TASOR: variants seen among roughly 807,000 people sequenced by gnomAD.
TASOR encodes the protein protein TASOR.
Under a neutral mutation model 178.6 loss-of-function variants are expected in TASOR, and 53 were observed. The ratio of observed to expected loss-of-function variants is 0.30; its 90% CI spans 0.24 to 0.37. The LOEUF (loss-of-function observed/expected upper bound fraction) is 0.37, where lower values mean the gene tolerates loss of function less well. TASOR is among the 10% of genes least tolerant of loss of function. TASOR has a pLI of 1.00. For synonymous variants in TASOR, 713 were observed against 696.2 expected, an observed-to-expected ratio of 1.02 and a Z score of -0.38; for missense variants, 1,815 against 1,971.4, an observed-to-expected ratio of 0.92 and a Z score of 1.50.
chr3:56,641,639 C>T lies in TASOR; in HGVS notation c.2329G>A (p.Glu777Lys), dbSNP rs2077127174. 2 of 1,614,172 alleles carry T rather than the reference C, an allele frequency of 1.2e-6. No individual in the cohort carries two copies. Among genetic ancestry groups the T allele is most frequent in the Non-Finnish European group, 1.7e-6 (2 of 1,180,048 alleles). The stretch of plus-strand genomic sequence containing the variant: ...GAATGGCGCGCATTTGCTAGTGTTT[C>T]TGATAACCAATTAAACAGCCTATGG... Reference protein sequence around the residue: ...DIHRLFNWLSETLANARHSDA... With the variant: ...DIHRLFNWLSKTLANARHSDA... Residue 777 changes from glutamate to lysine, a missense_variant, in exon 15 of 24, where the codon GAA becomes AAA. Transcript: ENST00000683822.
At chr3:56,658,094 A>G (rs1251137781) in intron 11 of TASOR, among the ~76,000 whole-genome samples, 1 of 152,262 alleles carries the variant, frequency 6.6e-6, no homozygotes, top group Non-Finnish European at 1.5e-5. Flanking sequence ...TCCTCAATGC[A>G]CTGCTCATTA....
rs377541960 is a variant in TASOR, at chr3:56,678,967, G to A, written c.331+3709C>T. ...GCAGAGGCTGCAGTCAGCCGGGATC[G>A]CAACACTGCATCCCAGCCTGGGCAA... On this transcript the variant is annotated intron_variant, in intron 1 of 23. Coordinates refer to ENST00000683822, the MANE Select transcript of TASOR (RefSeq NM_001365635.2). Among the ~76,000 whole-genome samples, 2 of 144,702 alleles carry A rather than the reference G, an allele frequency of 1.4e-5. 1 individual carries two copies. The highest frequency in any genetic ancestry group is 5.1e-5 in the African/African-American group (2 of 38,892). 94.9% of individuals were successfully genotyped at this position (144,702 alleles called of 152,430 possible). A position where few individuals can be genotyped will look rare whatever the true frequency, so the allele number is the denominator to read the frequency against.
At chr3:56,670,872 G>A (rs1328793543) in intron 3 of TASOR, among the ~76,000 whole-genome samples, 1 of 139,800 alleles carries the variant, frequency 7.2e-6, no homozygotes, top group Non-Finnish European at 1.5e-5. Context: ...GGGAGAAGGA[G>A]GTTGCAGTGA....
In TASOR at chr3:56,620,609, T is replaced by C. The variant is rs1347809367; in HGVS notation, c.*2428A>G. 1.3e-5 allele frequency: 2 copies of C among 152,222 alleles called. No homozygotes were observed. Among genetic ancestry groups the C allele is most frequent in the African/African-American group, 2.4e-5 (1 of 41,464 alleles). The allele number at this position is 152,222 out of a possible 1,614,324, so 9.4% of individuals were successfully genotyped here. A position where few individuals can be genotyped will look rare whatever the true frequency, so the allele number is the denominator to read the frequency against. On this transcript the variant is annotated 3_prime_UTR_variant, in exon 24 of 24. Coordinates refer to ENST00000683822, the MANE Select transcript of TASOR (RefSeq NM_001365635.2). ...TCAGATGTTTTTCCCTCTACAGAAC[T>C]AGAAAATTGTCCCCCCACTTTGGTC... is the stretch of plus-strand genomic sequence containing the variant.
At chr3:56,654,545 G>C (rs1055516104) in intron 11 of TASOR, among the ~76,000 whole-genome samples, 81 of 152,170 alleles carry the variant, frequency 5.3e-4, no homozygotes, top group African/African-American at 1.9e-3. Context: ...TGGCCAGGGA[G>C]TGCCCAGGTA....
At chr3:56,668,310 C>G in intron 6 of TASOR, 87 bp downstream of exon 6, 5 of 1,268,902 alleles carry the variant, frequency 3.9e-6, no homozygotes, top group Admixed American at 2.3e-5. Context: ...AATGTGGGGA[C>G]AGAGAGAACT....
At chr3:56,678,417 G>A (rs1056731493) in intron 1 of TASOR, among the ~76,000 whole-genome samples, 2 of 151,544 alleles carry the variant, frequency 1.3e-5, no homozygotes, top group African/African-American at 2.4e-5. Context: ...TCCTGACCTC[G>A]TGATTCGCCC....
At chr3:56,678,177 ATTTTTT>A (rs533306611) in intron 1 of TASOR, among the ~76,000 whole-genome samples, 4 of 106,966 alleles carry the variant, frequency 3.7e-5, no homozygotes, top group Admixed American at 1.2e-4. Context: ...CACACTTATG[ATTTTTT>A]TTTTTTTTTT....
intron 11 of TASOR, among the ~76,000 whole-genome samples, chr3:56,655,801 A>T (rs2077456272): frequency 6.6e-6 from 1 of 152,064 alleles, no homozygotes; most frequent in Non-Finnish European, 1.5e-5. Flanking sequence ...TCCCACCAAA[A>T]AAATAGAGTA....
chr3:56,644,782 T>G (rs1188829831), intron 14 of TASOR, among the ~76,000 whole-genome samples: 1 of 152,116 alleles, frequency 6.6e-6, no homozygotes, highest in African/African-American at 2.4e-5. Context: ...ACAGGTTAAC[T>G]AAAGAAAAAA....
At chr3:56,653,003 G>A (rs555545889) in intron 11 of TASOR, among the ~76,000 whole-genome samples, 68 of 152,082 alleles carry the variant, frequency 4.5e-4, no homozygotes, top group African/African-American at 1.5e-3. Flanking sequence ...AGTGGCTCAC[G>A]CCTGTAATCC....
At chr3:56,670,829 C>T (rs555182364) in intron 3 of TASOR, among the ~76,000 whole-genome samples, 3 of 146,768 alleles carry the variant, frequency 2.0e-5, no homozygotes, top group East Asian at 2.1e-4. Flanking sequence ...CCCAGCTACT[C>T]GGGAGGCTGA....
At chr3:56,637,199 G>A (rs2077035483) in intron 17 of TASOR, among the ~76,000 whole-genome samples, 1 of 152,188 alleles carries the variant, frequency 6.6e-6, no homozygotes, top group Non-Finnish European at 1.5e-5. Flanking sequence ...AATCTTCTGG[G>A]ATGCTAGAAA....
intron 17 of TASOR, among the ~76,000 whole-genome samples, chr3:56,635,056 A>C (rs1271226615): frequency 6.6e-6 from 1 of 152,194 alleles, no homozygotes; most frequent in Non-Finnish European, 1.5e-5. Flanking sequence ...GGTGCCTCTA[A>C]ATCAGAAAGT....
intron 7 of TASOR, 84 bp from the exon 8 acceptor site, chr3:56,663,656 T>C (rs953361423): frequency 1.7e-6 from 2 of 1,199,542 alleles, no homozygotes; most frequent in East Asian, 5.2e-5. Flanking sequence ...TAAGTGCAAT[T>C]TTTAATGGCA....
intron 14 of TASOR, among the ~76,000 whole-genome samples, chr3:56,646,249 G>T (rs2077235409): frequency 6.6e-6 from 1 of 152,228 alleles, no homozygotes. Context: ...ACCAGGGCAG[G>T]AATTGTAAAG....
chr3:56,636,896 G>A (rs6802051), intron 17 of TASOR, among the ~76,000 whole-genome samples: 48,036 of 151,714 alleles, frequency 0.32, 8,038 homozygotes, highest in East Asian at 0.49. Flanking sequence ...ACTACTAGCC[G>A]GGCACAGTGG....
In TASOR at chr3:56,622,944, G is replaced by C. The variant is rs1331632216; in HGVS notation, c.*93C>G. On this transcript the variant is annotated 3_prime_UTR_variant, in exon 24 of 24. Transcript: ENST00000683822. ...GATTTAAATAAAAGAAAAAACATTT[G>C]AGAAAGAACAAGAACCTTTTGTTTA... is the stretch of plus-strand genomic sequence containing the variant. 6 of 809,986 alleles carry C rather than the reference G, an allele frequency of 7.4e-6. No homozygotes were observed. Among genetic ancestry groups the C allele is most frequent in the Non-Finnish European group, 1.1e-5 (6 of 547,114 alleles). 50.2% of individuals were successfully genotyped at this position (809,986 alleles called of 1,614,324 possible).
intron 7 of TASOR, among the ~76,000 whole-genome samples, chr3:56,665,487 G>A (rs2077689385): frequency 5.9e-5 from 9 of 151,990 alleles, no homozygotes; most frequent in Admixed American, 3.3e-4. Flanking sequence ...CTCCCAAGTA[G>A]CTAGGACTAC....
Sources: allele counts gnomAD v4.1 joint callset (sites outside exome capture counted in the v4.1 genomes callset), GRCh38; gene constraint gnomAD v4.1.1; transcripts MANE v1.5; gene names NCBI Gene and HGNC (gene_info 2026-07-23, HGNC 2026-07-21).